The following BACH2 variants were observed in gnomAD, a reference collection of about 807,000 sequenced individuals.
BACH2 encodes transcription regulator protein BACH2.
A neutral mutation model predicts 61.8 loss-of-function variants in BACH2; 5 were observed. The ratio of observed to expected loss-of-function variants is 0.08; its 90% CI spans 0.04 to 0.17. BACH2 has a LOEUF of 0.17. Among genes scored for constraint, BACH2 ranks in the 10% least tolerant of loss-of-function variants. The probability of loss-of-function intolerance (pLI) is 1.00; values close to 1 mark genes in which losing one functional copy is unlikely to be tolerated. For missense variants in BACH2, 824 were observed against 1,091.1 expected (o/e 0.76, Z 3.45); for synonymous variants, 446 against 440.1 (o/e 1.01, Z -0.17).
intron 1 of BACH2, among the ~76,000 whole-genome samples, chr6:90,286,252 C>T (rs1343177467): frequency 6.6e-6 from 1 of 152,204 alleles, no homozygotes; most frequent in Non-Finnish European, 1.5e-5. Flanking sequence ...TTCAAACCCA[C>T]AATATCAACA....
intron 5 of BACH2, among the ~76,000 whole-genome samples, chr6:90,011,745 A>G (rs1777722948): frequency 6.6e-6 from 1 of 152,086 alleles, no homozygotes; most frequent in African/African-American, 2.4e-5. Flanking sequence ...ACACAGCGAA[A>G]CTGCGTCTTT....
intron 4 of BACH2, among the ~76,000 whole-genome samples, chr6:90,180,254 T>G (rs1768113832): frequency 6.6e-6 from 1 of 151,666 alleles, no homozygotes; most frequent in South Asian, 2.1e-4. Context: ...AAGAGTAAAA[T>G]TTATTATTCA....
chr6:90,101,599 G>A (rs1304820480), intron 4 of BACH2, among the ~76,000 whole-genome samples: 1 of 152,186 alleles, frequency 6.6e-6, no homozygotes, highest in African/African-American at 2.4e-5. Flanking sequence ...AAAAAAGGAA[G>A]TGTGAGTCCT....
intron 4 of BACH2, among the ~76,000 whole-genome samples, chr6:90,172,305 C>CA (rs10713693): frequency 0.055 from 4,587 of 83,264 alleles, 141 homozygotes; most frequent in Middle Eastern, 0.1. Flanking sequence ...GACTCCATCT[C>CA]AAAAAAAAAA....
At chr6:90,129,807 AT>A (rs1784017830) in intron 4 of BACH2, among the ~76,000 whole-genome samples, 1 of 151,896 alleles carries the variant, frequency 6.6e-6, no homozygotes, top group Admixed American at 6.6e-5. Flanking sequence ...ATTTTTGCAC[AT>A]TGATTTTGTA....
intron 5 of BACH2, among the ~76,000 whole-genome samples, chr6:90,056,144 G>A (rs1234535452): frequency 3.9e-5 from 6 of 152,066 alleles, no homozygotes; most frequent in East Asian, 1.9e-4. Context: ...ATGTAAATGG[G>A]CTAAATGCTC....
At chr6:89,941,214 C>T (rs1383437234) in intron 7 of BACH2, among the ~76,000 whole-genome samples, 3 of 152,154 alleles carry the variant, frequency 2.0e-5, no homozygotes, top group African/African-American at 2.4e-5. Context: ...ACACGAGTCC[C>T]GGCTGCCGGC....
chr6:90,140,936 T>C (rs1784437471), intron 4 of BACH2, among the ~76,000 whole-genome samples: 1 of 152,144 alleles, frequency 6.6e-6, no homozygotes, highest in Non-Finnish European at 1.5e-5. Context: ...TAGATACACT[T>C]AGAGACTTAT....
chr6:89,933,245 C>A (rs983454354), intron 8 of BACH2, among the ~76,000 whole-genome samples: 8 of 152,150 alleles, frequency 5.3e-5, no homozygotes, highest in Admixed American at 5.2e-4. Flanking sequence ...CAGTCCCAAT[C>A]TTGTGACTGA....
At chr6:90,256,743 C>G (rs1451317333) in intron 2 of BACH2, among the ~76,000 whole-genome samples, 2 of 151,804 alleles carry the variant, frequency 1.3e-5, no homozygotes, top group Non-Finnish European at 2.9e-5. Context: ...TCTCAGTTAC[C>G]CTATTTTTGT....
intron 4 of BACH2, among the ~76,000 whole-genome samples, chr6:90,163,888 T>A (rs558772918): frequency 6.6e-6 from 1 of 152,344 alleles, no homozygotes; most frequent in East Asian, 1.9e-4. Flanking sequence ...ACAAATTGAA[T>A]GTAGATCAAA....
intron 3 of BACH2, among the ~76,000 whole-genome samples, chr6:90,252,225 T>C (rs1345793642): frequency 1.3e-5 from 2 of 152,138 alleles, no homozygotes; most frequent in Non-Finnish European, 2.9e-5. Flanking sequence ...GACAGACAGC[T>C]TTTCCCTCCA....
intron 5 of BACH2, among the ~76,000 whole-genome samples, chr6:90,075,913 G>A (rs990329434): frequency 2.6e-5 from 4 of 152,132 alleles, no homozygotes; most frequent in Admixed American, 2.6e-4. Context: ...AGCATTTGAA[G>A]TCAAACTGGA....
rs560672638 is a variant in BACH2, at chr6:90,031,800, G to A, written c.-12-22944C>T. 7.6e-4 allele frequency among the ~76,000 whole-genome samples: 116 copies of A among 152,212 alleles called. 3 individuals are homozygous for A. In the East Asian group the frequency reaches 0.018, roughly 24 times the overall value. The stretch of plus-strand genomic sequence containing the variant: ...CTGCCCAAAGTAATTTATAGATTCA[G>A]TGCCATCCCCATCAAGCTACCAATG... On this transcript the variant is annotated intron_variant, in intron 5 of 8. Coordinates refer to ENST00000257749, the MANE Select transcript of BACH2 (RefSeq NM_021813.4).
rs1774082735 is a variant in BACH2 at position 89,951,189 on chromosome 6, T to C, written c.917A>G (p.Asp306Gly). 6.2e-7 allele frequency: 1 copy of C among 1,613,506 alleles called. No individual in the cohort carries two copies. The highest frequency in any genetic ancestry group is 8.5e-7 in the Non-Finnish European group (1 of 1,179,976). The part of the protein sequence containing the change: ...DEPDAKDRAG[D>G]VEMDRKQPSP... Reference sequence around the variant, plus strand: ...GGGCTGTTTCCGGTCCATCTCGACATCCCCCGCTCTGTCCTTGGCGTCAGG... The same window carrying C: ...GGGCTGTTTCCGGTCCATCTCGACACCCCCCGCTCTGTCCTTGGCGTCAGG... The change falls in exon 7 of 9, where the codon GAT becomes GGT. Residue 306 changes from aspartate to glycine, a missense_variant. Around this residue, in one of 8 missense-constraint regions of BACH2, gnomAD observed 226 missense variants for 228.5 expected, o/e 0.99. Coordinates refer to ENST00000257749, the MANE Select transcript of BACH2 (RefSeq NM_021813.4). This position sits in a 1 kb window ranked among gnomAD's most constrained non-coding sequence, Gnocchi z 6.4.
intron 4 of BACH2, among the ~76,000 whole-genome samples, chr6:90,101,201 C>A (rs149270764): frequency 6.6e-6 from 1 of 152,294 alleles, no homozygotes; most frequent in African/African-American, 2.4e-5. Context: ...CATCTTTTCA[C>A]TTTCTTAATG....
At chr6:90,245,809 A>C (rs1770615725) in intron 3 of BACH2, among the ~76,000 whole-genome samples, 2 of 152,368 alleles carry the variant, frequency 1.3e-5, no homozygotes, top group South Asian at 4.1e-4. Flanking sequence ...AAGATTTTTC[A>C]TATTTGGATT....
chr6:89,943,345 G>C (rs576295256), intron 7 of BACH2, among the ~76,000 whole-genome samples: 4 of 152,140 alleles, frequency 2.6e-5, no homozygotes, highest in South Asian at 4.2e-4. Flanking sequence ...CAACAGCCAC[G>C]ACCATTCTTC....
intron 4 of BACH2, among the ~76,000 whole-genome samples, chr6:90,191,016 T>C (rs989006868): frequency 5.3e-5 from 8 of 152,114 alleles, no homozygotes; most frequent in African/African-American, 1.9e-4. Flanking sequence ...GGAGAAAAGG[T>C]GAAGTGTTTC....
Sources: allele counts gnomAD v4.1 joint callset (sites outside exome capture counted in the v4.1 genomes callset), GRCh38; gene constraint gnomAD v4.1.1; regional missense constraint gnomAD v4.1.1; non-coding constraint Gnocchi (gnomAD v3.1); transcripts MANE v1.5; gene names NCBI Gene and HGNC (gene_info 2026-07-23, HGNC 2026-07-21).